NXPE3: variants seen among roughly 807,000 people sequenced by gnomAD.
NXPE3 encodes NXPE family member 3.
NXPE3 carries 26 observed loss-of-function variants against 46.1 expected under a neutral mutation model. The observed-to-expected ratio is 0.56, with a 90% CI of 0.41 to 0.78. The LOEUF (loss-of-function observed/expected upper bound fraction) is 0.78, where lower values mean the gene tolerates loss of function less well. NXPE3 is among the 30% of genes least tolerant of loss of function. NXPE3 has a pLI of 0.00. For missense variants in NXPE3, 620 were observed against 686.0 expected (o/e 0.90, Z 1.07); for synonymous variants, 272 against 257.9 (o/e 1.05, Z -0.52).
intron 4 of NXPE3, among the ~76,000 whole-genome samples, chr3:101,797,436 T>A (rs1292266719): frequency 3.4e-5 from 5 of 144,950 alleles, no homozygotes; most frequent in Non-Finnish European, 6.1e-5. Flanking sequence ...TTTTTTTTTT[T>A]ATTATACTTT....
At chr3:101,785,826 G>A in intron 4 of NXPE3, 137 bp downstream of exon 4, 1 of 710,990 alleles carries the variant, frequency 1.4e-6, no homozygotes, top group Non-Finnish European at 2.5e-6. Flanking sequence ...GTAAGTATTT[G>A]CGTGCTCACA....
At chr3:101,818,743 ATATATATATATTTTTTTTTTTTTTTTTTT>A (rs1942098014) in intron 7 of NXPE3, among the ~76,000 whole-genome samples, 1 of 27,364 alleles carries the variant, frequency 3.7e-5, no homozygotes, top group Admixed American at 5.3e-4. Context: ...ATATATATAT[ATATATATATATTTTTTTTTTTTTTTTTTT>A]TTTTTTTTTT....
chr3:101,804,396 ATTG>A (rs1246828938), intron 5 of NXPE3, among the ~76,000 whole-genome samples: 1 of 152,220 alleles, frequency 6.6e-6, no homozygotes, highest in Admixed American at 6.5e-5. Context: ...TTGATGGTAC[ATTG>A]TTGTAGAATA....
At chr3:101,817,575 G>A (rs1942028428) in intron 7 of NXPE3, among the ~76,000 whole-genome samples, 1 of 152,120 alleles carries the variant, frequency 6.6e-6, no homozygotes, top group African/African-American at 2.4e-5. Flanking sequence ...AGCATTCTTA[G>A]CTTCTTGATT....
chr3:101,790,388 C>A (rs1025709344), intron 4 of NXPE3, among the ~76,000 whole-genome samples: 26 of 152,248 alleles, frequency 1.7e-4, no homozygotes, highest in African/African-American at 6.0e-4. Context: ...GTTTTCACTT[C>A]ATGTGTTGTG....
intron 4 of NXPE3, among the ~76,000 whole-genome samples, chr3:101,795,335 A>G (rs1156622574): frequency 1.3e-5 from 2 of 152,158 alleles, no homozygotes; most frequent in East Asian, 1.9e-4. Context: ...CTTGGCCGAC[A>G]TGGCGAAACC....
chr3:101,811,059 G>A (rs982603538), intron 6 of NXPE3, among the ~76,000 whole-genome samples: 4 of 152,148 alleles, frequency 2.6e-5, no homozygotes, highest in Non-Finnish European at 5.9e-5. Flanking sequence ...GAGCTCAAGC[G>A]ATCTACCCAC....
rs1196188118 is a variant in NXPE3 at position 101,807,139 on chromosome 3, A to G, written c.922+13A>G. On this transcript the variant is annotated intron_variant, in intron 6 of 7. Transcript: ENST00000273347. ...AGGAGAATAAAAGGTAAAAAAAAGA[A>G]TAAGCTTGATGATTTGTTGTTTTTC... The G allele has an allele frequency of 1.3e-6, 2 of 1,598,436 alleles. No individual in the cohort carries two copies. The highest frequency in any genetic ancestry group is 1.7e-6 in the Non-Finnish European group (2 of 1,166,214).
intron 5 of NXPE3, among the ~76,000 whole-genome samples, chr3:101,805,797 A>G (rs554754751): frequency 5.1e-4 from 77 of 152,238 alleles, no homozygotes; most frequent in Admixed American, 3.4e-3. Context: ...GAGGCTAAAT[A>G]TTTTGGCAGG....
intron 1 of NXPE3, among the ~76,000 whole-genome samples, chr3:101,781,242 G>A (rs186521556): frequency 6.6e-6 from 1 of 152,332 alleles, no homozygotes; most frequent in East Asian, 1.9e-4. Context: ...GATAGGGACT[G>A]CCTCAGAAAC....
intron 6 of NXPE3, among the ~76,000 whole-genome samples, chr3:101,814,895 A>G (rs933033084): frequency 3.9e-5 from 6 of 152,192 alleles, no homozygotes; most frequent in Non-Finnish European, 8.8e-5. Flanking sequence ...TGCTTGGGCC[A>G]GGTGCTGGCT....
Position 101,821,522 on chromosome 3 carries a change from T to C in NXPE3, c.1248T>C (p.Thr416=), listed in dbSNP as rs778353603. 1.6e-5 allele frequency: 26 copies of C among 1,614,094 alleles called. No individual in the cohort carries two copies. In the East Asian group the frequency reaches 2.7e-4, roughly 17 times the overall value. ...RCHGPPIRFT[T]VFSNELHYVA... ...ATGGTCCACCCATCCGCTTCACGAC[T>C]GTCTTTAGCAATGAGCTCCATTATG... Residue 416 remains threonine, a synonymous_variant, in exon 8 of 8, where the codon ACT becomes ACC. Transcript: ENST00000273347.
At chr3:101,785,805 T>C (rs889933832) in intron 4 of NXPE3, 116 bp downstream of exon 4, 7 of 798,654 alleles carry the variant, frequency 8.8e-6, no homozygotes, top group African/African-American at 3.4e-5. Context: ...GTTCTTGTTT[T>C]CATTTATTCG....
At chr3:101,813,714 T>A (rs1380343688) in intron 6 of NXPE3, among the ~76,000 whole-genome samples, 1 of 152,220 alleles carries the variant, frequency 6.6e-6, no homozygotes, top group African/African-American at 2.4e-5. Flanking sequence ...ATAACTCATT[T>A]TTATTTTTTG....
intron 4 of NXPE3, among the ~76,000 whole-genome samples, chr3:101,798,005 CT>C: frequency 8.4e-6 from 1 of 119,408 alleles, no homozygotes; most frequent in East Asian, 2.3e-4. Flanking sequence ...GCCACACTGA[CT>C]TCCACAATGG....
In NXPE3 at chr3:101,827,775, C is replaced by G. The variant is rs1336028049; in HGVS notation, c.*5821C>G. Among the ~76,000 whole-genome samples the G allele has an allele frequency of 1.3e-5, 2 of 152,160 alleles. No individual in the cohort carries two copies. The highest frequency in any genetic ancestry group is 2.9e-5 in the Non-Finnish European group (2 of 68,022). On this transcript the variant is annotated 3_prime_UTR_variant, in exon 8 of 8. Coordinates refer to ENST00000273347, the MANE Select transcript of NXPE3 (RefSeq NM_145037.4). ...CGGTACCTTTTTGGTCTGGGAATTT[C>G]CAGTGTGCAGAAAAAAAATCCACAA... is the stretch of plus-strand genomic sequence containing the variant.
chr3:101,781,198 T>A lies in NXPE3; in HGVS notation c.-497-912T>A, dbSNP rs149399436. ...AGACACTTGCTGTGACTAGTACAGT[T>A]ACATTTATTTGGCCAACAGGTCAGA... On this transcript the variant is annotated intron_variant, in intron 1 of 7. Transcript: ENST00000273347. Among the ~76,000 whole-genome samples the A allele has an allele frequency of 1.3e-4, 20 of 152,352 alleles. No individual in the cohort carries two copies. In the East Asian group the frequency reaches 3.9e-3, roughly 29 times the overall value.
At chr3:101,806,578 A>T (rs761810070) in intron 5 of NXPE3, among the ~76,000 whole-genome samples, 1 of 152,200 alleles carries the variant, frequency 6.6e-6, no homozygotes, top group African/African-American at 2.4e-5. Flanking sequence ...CCTGGTAATG[A>T]TGAGCAAAGT....
At chr3:101,795,344 C>T (rs1347049941) in intron 4 of NXPE3, among the ~76,000 whole-genome samples, 1 of 152,002 alleles carries the variant, frequency 6.6e-6, no homozygotes. Context: ...CATGGCGAAA[C>T]CCCCGTCTCT....
Sources: gnomAD v4.1 joint callset for allele counts (sites outside exome capture counted in the v4.1 genomes callset) on GRCh38, gnomAD v4.1.1 for gene constraint, MANE v1.5 for transcripts, NCBI Gene and HGNC (gene_info 2026-07-23, HGNC 2026-07-21) for gene names.